The following DPP10 variants were observed in gnomAD, a reference collection of about 807,000 sequenced individuals.
The protein encoded by DPP10 is dipeptidyl peptidase like 10, also known as inactive dipeptidyl peptidase 10.
Under a neutral mutation model 120.9 loss-of-function variants are expected in DPP10, and 33 were observed. That is an observed-to-expected ratio of 0.27 (90% confidence interval 0.21 to 0.37). The LOEUF (loss-of-function observed/expected upper bound fraction) is 0.37, where lower values mean the gene tolerates loss of function less well. Among genes scored for constraint, DPP10 ranks in the 10% least tolerant of loss-of-function variants. The probability of loss-of-function intolerance (pLI) is 1.00; values close to 1 mark genes in which losing one functional copy is unlikely to be tolerated. For synonymous variants in DPP10, 337 were observed against 326.1 expected (o/e 1.03, Z -0.36); for missense variants, 816 against 942.8 (o/e 0.87, Z 1.76).
intron 2 of DPP10, among the ~76,000 whole-genome samples, chr2:115,333,784 G>T (rs915231487): frequency 4.6e-5 from 7 of 152,112 alleles, no homozygotes; most frequent in African/African-American, 1.7e-4. Context: ...GGTTTCTGCC[G>T]AGAGATCCGC....
At chr2:115,115,015 C>T (rs1464321442) in intron 1 of DPP10, among the ~76,000 whole-genome samples, 1 of 151,812 alleles carries the variant, frequency 6.6e-6, no homozygotes, top group South Asian at 2.1e-4. Context: ...GGTGAGCAGT[C>T]ATAGGGCACT....
At chr2:115,677,850 T>C (rs927203176) in intron 5 of DPP10, among the ~76,000 whole-genome samples, 2 of 152,200 alleles carry the variant, frequency 1.3e-5, no homozygotes, top group African/African-American at 4.8e-5. Flanking sequence ...ACTCTAAGCA[T>C]GAAACATATC....
chr2:114,452,483 G>C (rs1293865261), intron 1 of DPP10, among the ~76,000 whole-genome samples: 1 of 152,010 alleles, frequency 6.6e-6, no homozygotes. Flanking sequence ...AGATTTCCTA[G>C]TCTAGACTCT....
intron 1 of DPP10, among the ~76,000 whole-genome samples, chr2:115,247,553 A>G (rs536777934): frequency 1.3e-5 from 2 of 152,258 alleles, no homozygotes; most frequent in East Asian, 1.9e-4. Flanking sequence ...AAGAGATAGA[A>G]GAATGTATTA....
At chr2:115,284,078 C>T (rs1368298967) in intron 1 of DPP10, among the ~76,000 whole-genome samples, 3 of 151,968 alleles carry the variant, frequency 2.0e-5, no homozygotes, top group South Asian at 2.1e-4. Context: ...GGGTTGTGAT[C>T]ATTTCCCAGT....
intron 1 of DPP10, among the ~76,000 whole-genome samples, chr2:114,842,957 A>G (rs1688274389): frequency 6.6e-6 from 1 of 152,138 alleles, no homozygotes; most frequent in South Asian, 2.1e-4. Flanking sequence ...GGCACTGCCC[A>G]TAACATCAGA....
intron 19 of DPP10, among the ~76,000 whole-genome samples, chr2:115,813,344 G>A (rs535121593): frequency 3.9e-5 from 6 of 152,134 alleles, no homozygotes; most frequent in Non-Finnish European, 7.4e-5. Flanking sequence ...GCTCTCCTTG[G>A]GTTGCAGACG....
chr2:114,936,094 A>AGCAGT (rs1558896878), intron 1 of DPP10, among the ~76,000 whole-genome samples: 1 of 152,106 alleles, frequency 6.6e-6, no homozygotes, highest in African/African-American at 2.4e-5. Context: ...CCATCACCCA[A>AGCAGT]GCAGTGTATA....
intron 1 of DPP10, among the ~76,000 whole-genome samples, chr2:114,967,144 TTAATAA>T (rs904227225): frequency 1.2e-4 from 18 of 152,092 alleles, no homozygotes; most frequent in African/African-American, 4.1e-4. Context: ...AGAAGCAAAA[TTAATAA>T]TAATAATAGG....
chr2:115,461,218 T>G (rs1489327067), intron 3 of DPP10, among the ~76,000 whole-genome samples: 1 of 150,624 alleles, frequency 6.6e-6, no homozygotes, highest in Non-Finnish European at 1.5e-5. Context: ...TTTTTTTTAG[T>G]AAAATTTAAA....
intron 1 of DPP10, among the ~76,000 whole-genome samples, chr2:114,657,395 G>A (rs1697046765): frequency 6.6e-6 from 1 of 151,976 alleles, no homozygotes. Flanking sequence ...TCATAATTTA[G>A]CTTGAGAATT....
chr2:115,020,417 G>A (rs1702985498), intron 1 of DPP10, among the ~76,000 whole-genome samples: 1 of 151,808 alleles, frequency 6.6e-6, no homozygotes, highest in Admixed American at 6.6e-5. Flanking sequence ...AGACAAAGAG[G>A]GACATTATAT....
rs1322679150 is a variant in DPP10, at chr2:115,284,401, T to G, written c.61-24838T>G. Among the ~76,000 whole-genome samples the G allele has an allele frequency of 2.6e-5, 4 of 152,066 alleles. No individual in the cohort carries two copies. In the East Asian group the frequency reaches 7.7e-4, roughly 29 times the overall value. ...TCTTTCAAAAGCCCTAGTAATTTTT[T>G]GCTTATAATCTCTGGGTAGCTTCAG... On this transcript the variant is annotated intron_variant, in intron 1 of 25. Transcript: ENST00000410059.
At chr2:115,169,298 G>A (rs2053134033) in intron 1 of DPP10, among the ~76,000 whole-genome samples, 1 of 152,130 alleles carries the variant, frequency 6.6e-6, no homozygotes, top group African/African-American at 2.4e-5. Flanking sequence ...AACCTAGTAA[G>A]TATTTTCATT....
chr2:114,604,921 AT>A (rs1444255370), intron 1 of DPP10, among the ~76,000 whole-genome samples: 1 of 152,094 alleles, frequency 6.6e-6, no homozygotes, highest in African/African-American at 2.4e-5. Context: ...TGGTTAAGTA[AT>A]CATATCAGAA....
chr2:115,663,018 G>A (rs564017248), intron 5 of DPP10, among the ~76,000 whole-genome samples: 83 of 151,946 alleles, frequency 5.5e-4, no homozygotes, highest in African/African-American at 2.0e-3. Context: ...TACAATTTTT[G>A]TGGGTACATA....
intron 1 of DPP10, among the ~76,000 whole-genome samples, chr2:114,472,737 T>C (rs75520247): frequency 3.3e-4 from 50 of 152,314 alleles, no homozygotes; most frequent in Admixed American, 7.2e-4. Flanking sequence ...GAGACCCCTC[T>C]AGCTAGAAGA....
intron 1 of DPP10, among the ~76,000 whole-genome samples, chr2:115,087,558 A>T (rs533893951): frequency 1.4e-3 from 37 of 25,622 alleles, no homozygotes; most frequent in Middle Eastern, 0.036. Flanking sequence ...TTTTTTTTTG[A>T]CAGAGTTTCA....
At chr2:114,771,332 A>T (rs1414632180) in intron 1 of DPP10, among the ~76,000 whole-genome samples, 1 of 152,166 alleles carries the variant, frequency 6.6e-6, no homozygotes, top group African/African-American at 2.4e-5. Context: ...GACAGCAGTC[A>T]CACCTAAGAA....
Sources: allele counts gnomAD v4.1 joint callset (sites outside exome capture counted in the v4.1 genomes callset), GRCh38; gene constraint gnomAD v4.1.1; transcripts MANE v1.5; gene names NCBI Gene and HGNC (gene_info 2026-07-23, HGNC 2026-07-21).